Variants in CACNG3 observed in about 807,000 individuals in gnomAD.
CACNG3 encodes calcium voltage-gated channel auxiliary subunit gamma 3.
CACNG3 carries 3 observed loss-of-function variants against 28.5 expected under a neutral mutation model. That is an observed-to-expected ratio of 0.11 (90% CI 0.05 to 0.27). The LOEUF (loss-of-function observed/expected upper bound fraction) is 0.27, where lower values mean the gene tolerates loss of function less well. CACNG3 is among the 10% of genes least tolerant of loss of function. CACNG3 has a pLI of 1.00. For synonymous variants in CACNG3, 174 were observed against 162.2 expected, an observed-to-expected ratio of 1.07 and a Z score of -0.55; for missense variants, 236 against 414.4, an observed-to-expected ratio of 0.57 and a Z score of 3.74.
chr16:24,354,346 C>T (rs1017994337), intron 2 of CACNG3, among the ~76,000 whole-genome samples: 2 of 152,134 alleles, frequency 1.3e-5, no homozygotes, highest in Non-Finnish European at 2.9e-5. Context: ...CTCCCAGGGA[C>T]CTGAGGCTTG....
intron 1 of CACNG3, among the ~76,000 whole-genome samples, chr16:24,314,010 G>T (rs1193654705): frequency 6.6e-6 from 1 of 152,146 alleles, no homozygotes; most frequent in African/African-American, 2.4e-5. Context: ...TTCCCAAAGT[G>T]CTGGGATTCC....
intron 1 of CACNG3, among the ~76,000 whole-genome samples, chr16:24,336,883 T>G (rs1044783038): frequency 6.6e-6 from 1 of 152,130 alleles, no homozygotes. Flanking sequence ...GGTGTGATCA[T>G]AGCTCACTGC....
At chr16:24,345,661 T>C (rs569021048) in intron 1 of CACNG3, among the ~76,000 whole-genome samples, 1 of 152,112 alleles carries the variant, frequency 6.6e-6, no homozygotes, top group African/African-American at 2.4e-5. Context: ...GATCGTGCCA[T>C]TGCAATCCAA....
chr16:24,320,983 T>C (rs1038141473), intron 1 of CACNG3, among the ~76,000 whole-genome samples: 15 of 152,128 alleles, frequency 9.9e-5, no homozygotes, highest in African/African-American at 3.4e-4. Context: ...TCCTCTCACC[T>C]GAGCCTCCCA....
At position 24,298,321 on chromosome 16, in the gene CACNG3, A is replaced by G. The variant is rs191202862; in HGVS notation, c.211+41356A>G. Among the ~76,000 whole-genome samples the G allele has an allele frequency of 7.2e-4, 109 of 152,228 alleles. 1 individual carries two copies. The highest frequency in any genetic ancestry group is 5.0e-4 in the Non-Finnish European group (34 of 68,018). ...TCACTTAATGACTGGATAATATTTC[A>G]TGGTATAATGTACCATAAATTATTT... is the stretch of plus-strand genomic sequence containing the variant. On this transcript the variant is annotated intron_variant, in intron 1 of 3. Coordinates refer to ENST00000005284, the MANE Select transcript of CACNG3 (RefSeq NM_006539.4).
Position 24,303,595 on chromosome 16 carries a change from T to G in CACNG3, c.212-43139T>G, listed in dbSNP as rs527911465. ...CTTGTTTTATTCCCTTCAGCATTCG[T>G]TGCTGTCTGCAGTTACCTTGTTTCT... On this transcript the variant is annotated intron_variant, in intron 1 of 3. Coordinates refer to ENST00000005284, the MANE Select transcript of CACNG3 (RefSeq NM_006539.4). 3.3e-5 allele frequency among the ~76,000 whole-genome samples: 5 copies of G among 152,118 alleles called. No individual in the cohort carries two copies. In the East Asian group the frequency reaches 9.7e-4, roughly 29 times the overall value.
At chr16:24,286,076 T>C (rs1179863552) in intron 1 of CACNG3, among the ~76,000 whole-genome samples, 2 of 152,198 alleles carry the variant, frequency 1.3e-5, no homozygotes, top group Non-Finnish European at 2.9e-5. Context: ...ACTCCTGAGC[T>C]CAAGCAATCC....
chr16:24,354,251 C>T (rs1218690492), intron 2 of CACNG3, among the ~76,000 whole-genome samples: 2 of 152,134 alleles, frequency 1.3e-5, no homozygotes, highest in Non-Finnish European at 2.9e-5. Flanking sequence ...TCTGTGATCG[C>T]TCTCGATCTA....
intron 3 of CACNG3, among the ~76,000 whole-genome samples, chr16:24,356,248 C>T (rs1351343327): frequency 1.3e-5 from 2 of 152,144 alleles, no homozygotes; most frequent in African/African-American, 4.8e-5. Context: ...TGGTAGAGTA[C>T]TGATTGGGAT....
intron 1 of CACNG3, among the ~76,000 whole-genome samples, chr16:24,259,841 A>G (rs76935118): frequency 0.035 from 5,302 of 152,280 alleles, 308 homozygotes; most frequent in African/African-American, 0.12. Flanking sequence ...AGCAAACTAC[A>G]TCGTTTCCCA....
At chr16:24,292,579 C>T (rs899878306) in intron 1 of CACNG3, among the ~76,000 whole-genome samples, 1 of 152,042 alleles carries the variant, frequency 6.6e-6, no homozygotes. Context: ...CTTTTTCCTC[C>T]TCTCTCTCCC....
intron 1 of CACNG3, among the ~76,000 whole-genome samples, chr16:24,269,074 T>C (rs62028552): frequency 0.27 from 40,703 of 151,806 alleles, 5,656 homozygotes; most frequent in African/African-American, 0.32. Context: ...TTTGAATGGG[T>C]CAGGAATGGG....
At chr16:24,326,991 C>A (rs1354244387) in intron 1 of CACNG3, among the ~76,000 whole-genome samples, 1 of 151,984 alleles carries the variant, frequency 6.6e-6, no homozygotes. Context: ...CAGAGGCTGG[C>A]CTCTCCCTGC....
rs906075971 is a variant in CACNG3, at chr16:24,266,913, G to A, written c.211+9948G>A. Among the ~76,000 whole-genome samples the A allele has an allele frequency of 3.9e-5, 6 of 152,086 alleles. No individual in the cohort carries two copies. In the East Asian group the frequency reaches 7.7e-4, roughly 20 times the overall value. ...AAGCTGGAGAGAGAGAGGATGGGCC[G>A]TGAGAACCCCAGAAACAGGTGCCAA... On this transcript the variant is annotated intron_variant, in intron 1 of 3. Transcript: ENST00000005284.
intron 1 of CACNG3, among the ~76,000 whole-genome samples, chr16:24,304,931 A>G (rs1899165148): frequency 1.3e-5 from 2 of 152,212 alleles, no homozygotes; most frequent in Non-Finnish European, 2.9e-5. Context: ...CCTGGCAAAA[A>G]CAAGATGTCA....
At chr16:24,336,212 A>G (rs62026763) in intron 1 of CACNG3, among the ~76,000 whole-genome samples, 115,615 of 151,154 alleles carry the variant, frequency 0.76, 44,340 homozygotes, top group Middle Eastern at 0.86. Flanking sequence ...GCAGCAGAGT[A>G]ACACTCTGTC....
chr16:24,305,968 T>A (rs553655880), intron 1 of CACNG3, among the ~76,000 whole-genome samples: 1 of 152,254 alleles, frequency 6.6e-6, no homozygotes, highest in East Asian at 1.9e-4. Context: ...CCACTGTGCC[T>A]GGCCTGTATA....
rs371807051 is a variant in CACNG3, at chr16:24,295,987, A to G, written c.211+39022A>G. 4.6e-5 allele frequency among the ~76,000 whole-genome samples: 7 copies of G among 152,330 alleles called. 1 individual carries two copies. The highest frequency in any genetic ancestry group is 3.9e-4 in the Admixed American group (6 of 15,304). On this transcript the variant is annotated intron_variant, in intron 1 of 3. Coordinates refer to ENST00000005284, the MANE Select transcript of CACNG3 (RefSeq NM_006539.4). ...TAATAGGCAATAGACCAGGATTTGA[A>G]CCAGAGCCATCACCTTTAGCTATCA... is the stretch of plus-strand genomic sequence containing the variant.
At position 24,313,533 on chromosome 16, in the gene CACNG3, G is replaced by A. The variant is rs182702677; in HGVS notation, c.212-33201G>A. Among the ~76,000 whole-genome samples, 459 of 152,206 alleles carry A rather than the reference G, an allele frequency of 3.0e-3. 2 individuals carry two copies. Among genetic ancestry groups the A allele is most frequent in the African/African-American group, 0.01 (419 of 41,536 alleles). The stretch of plus-strand genomic sequence containing the variant: ...AGTAACTCACTCTGTGTCTCAGGCT[G>A]AAGTGCAGTGGCACGATCATAGCTC... On this transcript the variant is annotated intron_variant, in intron 1 of 3. Transcript: ENST00000005284.
Sources: allele counts gnomAD v4.1 joint callset (sites outside exome capture counted in the v4.1 genomes callset), GRCh38; gene constraint gnomAD v4.1.1; transcripts MANE v1.5; gene names NCBI Gene and HGNC (gene_info 2026-07-23, HGNC 2026-07-21).